EVI5: variants seen among roughly 807,000 people sequenced by gnomAD.
The protein encoded by EVI5 is ecotropic viral integration site 5 protein homolog.
Under a neutral mutation model 112.0 loss-of-function variants are expected in EVI5, and 73 were observed. The ratio of observed to expected loss-of-function variants is 0.65; its 90% CI spans 0.54 to 0.79. The LOEUF is 0.79. Among genes scored for constraint, EVI5 ranks in the 30% least tolerant of loss-of-function variants. The pLI is 0.00. For synonymous variants in EVI5, 305 were observed against 319.9 expected (o/e 0.95, Z 0.50); for missense variants, 900 against 968.8 (o/e 0.93, Z 0.94).
In EVI5 at chr1:92,542,426, T is replaced by A. The variant is rs141602079; in HGVS notation, c.2166+21216A>T. Reference sequence around the variant, plus strand: ...TCTGCAGTGACTTCCTCCACTGAAGTCTTCAATCCCTCAAACGGTTGGAAT... The same window carrying A: ...TCTGCAGTGACTTCCTCCACTGAAGACTTCAATCCCTCAAACGGTTGGAAT... On this transcript the variant is annotated intron_variant, in intron 19 of 19. Transcript: ENST00000684568. Among the ~76,000 whole-genome samples the A allele has an allele frequency of 2.7e-3, 411 of 152,328 alleles. 1 individual carries two copies. The highest frequency in any genetic ancestry group is 9.6e-3 in the African/African-American group (400 of 41,574).
At chr1:92,788,297 C>T (rs1322451881), upstream of EVI5, among the ~76,000 whole-genome samples, 1 of 151,404 alleles carries the variant, frequency 6.6e-6, no homozygotes, top group African/African-American at 2.4e-5. Context: ...CAGTGAAACC[C>T]CATCTCTACT....
At chr1:92,760,073 C>T (rs909396055) in intron 1 of EVI5, among the ~76,000 whole-genome samples, 2 of 152,130 alleles carry the variant, frequency 1.3e-5, no homozygotes, top group South Asian at 2.1e-4. Flanking sequence ...CAATATAAGA[C>T]ATTAACTTTG....
chr1:92,726,473 T>C (rs1394751530), intron 2 of EVI5, among the ~76,000 whole-genome samples: 1 of 152,084 alleles, frequency 6.6e-6, no homozygotes, highest in Non-Finnish European at 1.5e-5. Flanking sequence ...AAGAAATATA[T>C]GTAAAAATCA....
At position 92,543,118 on chromosome 1, in the gene EVI5, G is replaced by A. The variant is rs1026569267; in HGVS notation, c.2166+20524C>T. On this transcript the variant is annotated intron_variant, in intron 19 of 19. Transcript: ENST00000684568. ...GAAGCCAGATATTGACTTCTCTGTC[G>A]CTAGGAAAGCCATAGAGGGCATCTT... is the stretch of plus-strand genomic sequence containing the variant. 3.7e-4 allele frequency among the ~76,000 whole-genome samples: 57 copies of A among 152,250 alleles called. 1 individual carries two copies. Among genetic ancestry groups the A allele is most frequent in the Admixed American group, 2.9e-3 (45 of 15,298 alleles).
intron 1 of EVI5, among the ~76,000 whole-genome samples, chr1:92,752,419 C>T (rs1374751531): frequency 6.6e-6 from 1 of 152,154 alleles, no homozygotes; most frequent in Non-Finnish European, 1.5e-5. Context: ...AAGTGATTTG[C>T]CCGCCTCGAC....
rs201635318 is a variant in EVI5, at chr1:92,548,479, C to T, written c.2166+15163G>A. On this transcript the variant is annotated intron_variant, in intron 19 of 19. Transcript: ENST00000684568. ...CTCACCACTCCTATTCAACATAGTGCTGGAAGTTCTGGCCAGGGCAATCAG... is the reference window on the plus strand; with the variant it reads ...CTCACCACTCCTATTCAACATAGTGTTGGAAGTTCTGGCCAGGGCAATCAG... Among the ~76,000 whole-genome samples, 7 of 152,090 alleles carry T rather than the reference C, an allele frequency of 4.6e-5. No homozygotes were observed. The East Asian group carries it at 7.7e-4, about 17-fold the overall frequency.
At chr1:92,589,165 C>T (rs979597733) in intron 18 of EVI5, among the ~76,000 whole-genome samples, 7 of 152,178 alleles carry the variant, frequency 4.6e-5, no homozygotes, top group East Asian at 1.9e-4. Flanking sequence ...AGGAACACCT[C>T]CAGTCTACAG....
chr1:92,607,624 T>C lies in EVI5; in HGVS notation c.1931A>G (p.Gln644Arg). 6.2e-7 allele frequency: 1 copy of C among 1,603,442 alleles called. No homozygotes were observed. The highest frequency in any genetic ancestry group is 8.5e-7 in the Non-Finnish European group (1 of 1,176,708). The stretch of plus-strand genomic sequence containing the variant: ...TTGTTTACGCTTTGCTTCACTTAAT[T>C]GAGTAAGGAGTCCTTTGTTCTGTGC... ...LSAQNKGLLT[Q>R]LSEAKRKQAE... The change falls in exon 17 of 20, where the codon CAA becomes CGA. Residue 644 changes from glutamine (Q) to arginine (R), a missense_variant. By Grantham distance (43) the Gln-to-Arg change is conservative. Transcript: ENST00000684568.
At chr1:92,530,278 G>C (rs958701916) in intron 19 of EVI5, among the ~76,000 whole-genome samples, 4 of 152,112 alleles carry the variant, frequency 2.6e-5, no homozygotes, top group African/African-American at 9.7e-5. Flanking sequence ...AAAAAACGCA[G>C]CAGCCCCAGT....
intron 9 of EVI5, among the ~76,000 whole-genome samples, chr1:92,678,032 C>G (rs146700691): frequency 6.6e-6 from 1 of 152,152 alleles, no homozygotes; most frequent in African/African-American, 2.4e-5. Flanking sequence ...ATGGGAACAA[C>G]AGATACTGAG....
chr1:92,652,565 T>C (rs952080068), intron 13 of EVI5, among the ~76,000 whole-genome samples: 1 of 152,116 alleles, frequency 6.6e-6, no homozygotes, highest in African/African-American at 2.4e-5. Flanking sequence ...ATAAAATCAG[T>C]ATGTTGAAGA....
intron 19 of EVI5, among the ~76,000 whole-genome samples, chr1:92,542,737 G>A (rs950868531): frequency 5.9e-5 from 9 of 152,108 alleles, no homozygotes; most frequent in African/African-American, 1.4e-4. Flanking sequence ...CTTGATCCAC[G>A]GGCTGCAGAA....
intron 1 of EVI5, among the ~76,000 whole-genome samples, chr1:92,764,826 A>C (rs575405356): frequency 1.3e-5 from 2 of 152,248 alleles, no homozygotes; most frequent in East Asian, 3.9e-4. Context: ...ACAAATTACA[A>C]TTTATTTGTT....
In EVI5 at chr1:92,662,850, C is replaced by G. The variant is rs1183166886; in HGVS notation, c.1261G>C (p.Ala421Pro). The change falls in exon 13 of 20, where the codon GCC becomes CCC. Residue 421 changes from alanine (A) to proline (P), a missense_variant. Coordinates refer to ENST00000684568, the MANE Select transcript of EVI5 (RefSeq NM_001350197.2). ...AGGTAGTTTTCCTCAGCCTCCTGGGCTCTTGTCACTTGTCCCTTAGGACAT... is the reference window on the plus strand; with the variant it reads ...AGGTAGTTTTCCTCAGCCTCCTGGGGTCTTGTCACTTGTCCCTTAGGACAT... ...DRLIQGQVTR[A>P]QEAEENYLIK... 1 of 1,286,646 alleles carries G rather than the reference C, an allele frequency of 7.8e-7. No homozygotes were observed. The highest frequency in any genetic ancestry group is 1.0e-6 in the Non-Finnish European group (1 of 988,048). The allele number at this position is 1,286,646 out of a possible 1,614,324, so 79.7% of individuals were successfully genotyped here.
At chr1:92,628,779 A>C (rs1477431468) in intron 14 of EVI5, among the ~76,000 whole-genome samples, 1 of 152,214 alleles carries the variant, frequency 6.6e-6, no homozygotes, top group African/African-American at 2.4e-5. Flanking sequence ...TTCACGGTAC[A>C]CATGCAAATT....
At chr1:92,778,766 G>C (rs747208359) in intron 1 of EVI5, among the ~76,000 whole-genome samples, 3 of 152,178 alleles carry the variant, frequency 2.0e-5, no homozygotes, top group Non-Finnish European at 2.9e-5. Flanking sequence ...GTCACCTCTA[G>C]GCTGGGAGTG....
At position 92,635,797 on chromosome 1, in the gene EVI5, C is replaced by T. The variant is rs1462705033; in HGVS notation, c.1527+405G>A. ...CCTATTCAGCTATCTTGGCTCCACC[C>T]GCTCAGATGAAATTTTCCCGAAATG... On this transcript the variant is annotated intron_variant, in intron 14 of 19. Coordinates refer to ENST00000684568, the MANE Select transcript of EVI5 (RefSeq NM_001350197.2). Among the ~76,000 whole-genome samples, 7 of 152,234 alleles carry T rather than the reference C, an allele frequency of 4.6e-5. No individual in the cohort carries two copies. The South Asian group carries it at 1.0e-3, about 23-fold the overall frequency.
intron 18 of EVI5, among the ~76,000 whole-genome samples, chr1:92,593,321 CAT>C (rs1254347235): frequency 6.6e-6 from 1 of 152,142 alleles, no homozygotes; most frequent in African/African-American, 2.4e-5. Flanking sequence ...ACAAAAATCA[CAT>C]GATTATCTCA....
intron 9 of EVI5, among the ~76,000 whole-genome samples, chr1:92,688,280 A>G (rs1441609102): frequency 2.0e-5 from 3 of 152,184 alleles, no homozygotes; most frequent in Non-Finnish European, 2.9e-5. Context: ...AACTATCACA[A>G]GGACAGAAAA....
Sources: allele counts gnomAD v4.1 joint callset (sites outside exome capture counted in the v4.1 genomes callset), GRCh38; gene constraint gnomAD v4.1.1; transcripts MANE v1.5; gene names NCBI Gene and HGNC (gene_info 2026-07-23, HGNC 2026-07-21).